LTBP1: variants seen among roughly 807,000 people sequenced by gnomAD.
The protein encoded by LTBP1 is latent transforming growth factor beta binding protein 1.
Under a neutral mutation model 207.6 loss-of-function variants are expected in LTBP1, and 129 were observed. That is an observed-to-expected ratio of 0.62 (90% CI 0.54 to 0.72). The LOEUF (loss-of-function observed/expected upper bound fraction) is 0.72. LTBP1 is among the 30% of genes least tolerant of loss of function. The pLI is 0.00. For missense variants in LTBP1, 2,281 were observed against 2,217.2 expected (o/e 1.03, Z -0.58); for synonymous variants, 963 against 833.7 (o/e 1.16, Z -2.67).
intron 5 of LTBP1, among the ~76,000 whole-genome samples, chr2:33,149,669 A>G (rs2083355240): frequency 6.6e-6 from 1 of 152,224 alleles, no homozygotes; most frequent in African/African-American, 2.4e-5. Flanking sequence ...ATGGGCCTTC[A>G]TTCTGAAGAT....
intron 24 of LTBP1, among the ~76,000 whole-genome samples, chr2:33,318,419 A>C (rs1021780648): frequency 1.3e-5 from 2 of 152,190 alleles, no homozygotes; most frequent in Non-Finnish European, 2.9e-5. Flanking sequence ...TAAAACATAC[A>C]ATTCTTGCCT....
chr2:33,361,285 T>A, intron 27 of LTBP1, 144 bp from the exon 28 acceptor site: 1 of 560,750 alleles, frequency 1.8e-6, no homozygotes, highest in East Asian at 2.9e-5. Context: ...TTGCACTTAA[T>A]CCATCATTTT....
At chr2:33,114,233 C>T (rs2080597509) in intron 4 of LTBP1, among the ~76,000 whole-genome samples, 1 of 152,198 alleles carries the variant, frequency 6.6e-6, no homozygotes, top group Admixed American at 6.5e-5. Flanking sequence ...TCCGTATCAT[C>T]TAGAGTAGGG....
At chr2:33,178,154 T>C (rs1224169930) in intron 5 of LTBP1, among the ~76,000 whole-genome samples, 1 of 152,184 alleles carries the variant, frequency 6.6e-6, no homozygotes, top group East Asian at 1.9e-4. Context: ...GAGGCCTCAA[T>C]CTCAAGGTGT....
intron 31 of LTBP1, among the ~76,000 whole-genome samples, chr2:33,384,480 T>C (rs2095248928): frequency 6.6e-6 from 1 of 152,206 alleles, no homozygotes; most frequent in South Asian, 2.1e-4. Context: ...GATGGACACA[T>C]TGTATGGGGT....
At chr2:32,994,991 A>G (rs1055182861) in intron 2 of LTBP1, among the ~76,000 whole-genome samples, 3 of 152,068 alleles carry the variant, frequency 2.0e-5, no homozygotes, top group African/African-American at 7.2e-5. Flanking sequence ...GAAGTTCAAG[A>G]CCAACCTGGA....
chr2:33,087,714 C>T (rs192688562), intron 3 of LTBP1, among the ~76,000 whole-genome samples: 2 of 152,180 alleles, frequency 1.3e-5, no homozygotes, highest in African/African-American at 2.4e-5. Flanking sequence ...ATATAAGTCA[C>T]ATTGTTTATA....
intron 3 of LTBP1, among the ~76,000 whole-genome samples, chr2:33,068,788 AT>A (rs1447223195): frequency 6.6e-6 from 1 of 152,154 alleles, no homozygotes; most frequent in African/African-American, 2.4e-5. Flanking sequence ...TGTTATTAAT[AT>A]TATGTTTTGA....
At chr2:33,277,308 G>A (rs1053518939) in intron 18 of LTBP1, among the ~76,000 whole-genome samples, 3 of 152,026 alleles carry the variant, frequency 2.0e-5, no homozygotes, top group Admixed American at 6.6e-5. Context: ...TACCCTCCCC[G>A]AGGGCCACGA....
chr2:33,323,703 C>G (rs1303690340), intron 24 of LTBP1, among the ~76,000 whole-genome samples: 2 of 152,144 alleles, frequency 1.3e-5, no homozygotes, highest in East Asian at 3.9e-4. Context: ...AGTTGGGGCA[C>G]AATACGCATT....
intron 7 of LTBP1, among the ~76,000 whole-genome samples, chr2:33,189,849 A>T (rs549293932): frequency 7.3e-6 from 1 of 137,296 alleles, no homozygotes; most frequent in African/African-American, 2.7e-5. Context: ...AACATGATGA[A>T]ACCCCGTCTC....
At chr2:33,068,792 T>C in intron 3 of LTBP1, among the ~76,000 whole-genome samples, 1 of 152,216 alleles carries the variant, frequency 6.6e-6, no homozygotes. Context: ...ATTAATATTA[T>C]GTTTTGAATT....
chr2:33,347,550 C>A, intron 26 of LTBP1, 40 bp downstream of exon 26: 1 of 1,611,604 alleles, frequency 6.2e-7, no homozygotes, highest in Non-Finnish European at 8.5e-7. Flanking sequence ...TGACAGGCTC[C>A]TCTCAAAGAC....
chr2:32,953,414 G>A (rs999569740), intron 2 of LTBP1, among the ~76,000 whole-genome samples: 21 of 152,170 alleles, frequency 1.4e-4, no homozygotes, highest in Non-Finnish European at 2.9e-4. Context: ...TCTGCAGTGA[G>A]GTTTACCATG....
chr2:33,069,973 G>A (rs534727054), intron 3 of LTBP1, among the ~76,000 whole-genome samples: 2 of 152,268 alleles, frequency 1.3e-5, no homozygotes, highest in East Asian at 3.9e-4. Context: ...TCATGGATGT[G>A]ACTTCACCAT....
In LTBP1 at chr2:33,251,408, C is replaced by G. The variant is rs111717728; in HGVS notation, c.2000-1269C>G. On this transcript the variant is annotated intron_variant, in intron 10 of 33. Transcript: ENST00000404816. ...GCGCACGGTGGCTCACGCCTGTAAT[C>G]CCAGCACTTTGGGAGGCCGAGGCGT... Among the ~76,000 whole-genome samples, 1,192 of 152,238 alleles carry G rather than the reference C, an allele frequency of 7.8e-3. 10 individuals carry two copies. Among genetic ancestry groups the G allele is most frequent in the African/African-American group, 0.026 (1,062 of 41,526 alleles).
chr2:33,373,818 G>A (rs1490776795), intron 31 of LTBP1, among the ~76,000 whole-genome samples: 1 of 152,118 alleles, frequency 6.6e-6, no homozygotes, highest in Admixed American at 6.5e-5. Context: ...TTAATGAAAT[G>A]CATAATTAGT....
chr2:33,122,155 T>C (rs1463289345), intron 4 of LTBP1, among the ~76,000 whole-genome samples: 3 of 150,940 alleles, frequency 2.0e-5, no homozygotes, highest in African/African-American at 5.0e-5. Context: ...AACGAGTCTA[T>C]GGGTTCGGAG....
chr2:33,240,751 C>T (rs1056562487), intron 9 of LTBP1, among the ~76,000 whole-genome samples: 3 of 149,866 alleles, frequency 2.0e-5, no homozygotes, highest in Non-Finnish European at 3.0e-5. Context: ...CTCAGGTTCA[C>T]GCCATTCTCC....
Sources: allele counts gnomAD v4.1 joint callset (sites outside exome capture counted in the v4.1 genomes callset), GRCh38; gene constraint gnomAD v4.1.1; transcripts MANE v1.5; gene names NCBI Gene and HGNC (gene_info 2026-07-23, HGNC 2026-07-21).